Variants in MYO16 observed in about 807,000 individuals in gnomAD.
MYO16 encodes myosin XVI.
In MYO16, 94 loss-of-function variants were observed where a neutral mutation model predicts 205.3. The ratio of observed to expected loss-of-function variants is 0.46; its 90% CI spans 0.39 to 0.54. MYO16 has a LOEUF of 0.54. MYO16 is among the 20% of genes least tolerant of loss of function. MYO16 has a pLI of 0.00. For missense variants in MYO16, 2,315 were observed against 2,387.5 expected (o/e 0.97, Z 0.63); for synonymous variants, 988 against 954.0 (o/e 1.04, Z -0.66).
the MYO16 span, among the ~76,000 whole-genome samples, chr13:108,542,510 G>C: frequency 6.6e-6 from 1 of 152,070 alleles, no homozygotes. Context: ...AGTTACTGGG[G>C]TTTTTGGTTT....
In MYO16 at chr13:109,070,468, C is replaced by A. The variant is rs79741201; in HGVS notation, c.3335+14873C>A. On this transcript the variant is annotated intron_variant, in intron 27 of 34. Transcript: ENST00000457511. The stretch of plus-strand genomic sequence containing the variant: ...CTTAGGTGTAATGTTTATTGATATC[C>A]CATACAAGACATATCAATAGACCTA... Among the ~76,000 whole-genome samples the A allele has an allele frequency of 4.5e-3, 680 of 152,180 alleles. 3 individuals carry two copies. The highest frequency in any genetic ancestry group is 0.016 in the African/African-American group (656 of 41,510).
At chr13:108,562,953 C>A in the MYO16 span, among the ~76,000 whole-genome samples, 1 of 151,984 alleles carries the variant, frequency 6.6e-6, no homozygotes, top group African/African-American at 2.4e-5. Flanking sequence ...GTATATGAAC[C>A]AGTGTTGGTC....
chr13:108,501,872 A>C, the MYO16 span, among the ~76,000 whole-genome samples: 3 of 152,226 alleles, frequency 2.0e-5, no homozygotes, highest in Admixed American at 1.3e-4. Flanking sequence ...AGATCTGAAC[A>C]TGATGTTTAG....
intron 1 of MYO16, among the ~76,000 whole-genome samples, chr13:108,610,386 A>ATT (rs983159225): frequency 2.0e-5 from 3 of 152,000 alleles, no homozygotes; most frequent in African/African-American, 7.2e-5. Context: ...TGCACTAGAC[A>ATT]TTTTTTCTTG....
chr13:108,565,344 TC>T, the MYO16 span, among the ~76,000 whole-genome samples: 1 of 152,208 alleles, frequency 6.6e-6, no homozygotes, highest in African/African-American at 2.4e-5. Context: ...TTTGTCCTCT[TC>T]AGTTTTTTCA....
chr13:109,192,222 A>C (rs550405601), intron 34 of MYO16, among the ~76,000 whole-genome samples: 31 of 152,368 alleles, frequency 2.0e-4, no homozygotes, highest in African/African-American at 7.2e-4. Flanking sequence ...AGTGTCATGC[A>C]GTCAATGATA....
At chr13:108,523,107 T>A in the MYO16 span, among the ~76,000 whole-genome samples, 1 of 152,012 alleles carries the variant, frequency 6.6e-6, no homozygotes, top group Non-Finnish European at 1.5e-5. Context: ...GTGGATGAGG[T>A]CTCATGTGCA....
chr13:108,853,958 G>GTGTGTGTA (rs1320901304), intron 10 of MYO16, among the ~76,000 whole-genome samples: 10 of 109,902 alleles, frequency 9.1e-5, no homozygotes, highest in African/African-American at 4.2e-4. Context: ...CTATTATTGT[G>GTGTGTGTA]TGTGTGTGTG....
intron 34 of MYO16, among the ~76,000 whole-genome samples, chr13:109,191,866 A>G (rs1442585778): frequency 6.6e-6 from 1 of 152,222 alleles, no homozygotes; most frequent in Non-Finnish European, 1.5e-5. Flanking sequence ...ATCTGTTCAG[A>G]GTATAAGTAA....
At chr13:108,744,254 C>A (rs1473238497) in intron 4 of MYO16, among the ~76,000 whole-genome samples, 1 of 144,578 alleles carries the variant, frequency 6.9e-6, no homozygotes. Flanking sequence ...TATTTGCTGC[C>A]TTTTTTCCAT....
At chr13:109,148,380 A>G (rs2139825835) in intron 32 of MYO16, among the ~76,000 whole-genome samples, 1 of 152,326 alleles carries the variant, frequency 6.6e-6, no homozygotes, top group Middle Eastern at 3.4e-3. Flanking sequence ...TATAAACCAG[A>G]CTTGCACTAA....
At chr13:108,543,170 G>C in the MYO16 span, among the ~76,000 whole-genome samples, 2 of 152,190 alleles carry the variant, frequency 1.3e-5, no homozygotes, top group East Asian at 3.9e-4. Context: ...ATTTTTAAGT[G>C]AGTAAAATAA....
In MYO16 at chr13:108,929,584, A is replaced by G. The variant is rs1046702752; in HGVS notation, c.1925+19434A>G. Among the ~76,000 whole-genome samples the G allele has an allele frequency of 9.9e-5, 15 of 152,192 alleles. 1 individual carries two copies. Among genetic ancestry groups the G allele is most frequent in the Admixed American group, 4.6e-4 (7 of 15,284 alleles). On this transcript the variant is annotated intron_variant, in intron 16 of 34. Transcript: ENST00000457511. Reference sequence around the variant, plus strand: ...TAGTTGATCTTACTCCACGGAGCACACCTGGCAATATCTGGAGATTTTTTT... The same window carrying G: ...TAGTTGATCTTACTCCACGGAGCACGCCTGGCAATATCTGGAGATTTTTTT...
the MYO16 span, among the ~76,000 whole-genome samples, chr13:108,542,924 G>C: frequency 2.0e-5 from 3 of 151,442 alleles, no homozygotes; most frequent in Admixed American, 6.6e-5. Flanking sequence ...ATAATAATAT[G>C]ATTTTATTAT....
At position 108,774,443 on chromosome 13, in the gene MYO16, T is replaced by C. The variant is rs147773045; in HGVS notation, c.508-11192T>C. ...CAAGAAATTTGCTCAGGGCTCCCTA[T>C]AGGAACTATGCAGTCTTCAGCTGCA... On this transcript the variant is annotated intron_variant, in intron 4 of 34. Transcript: ENST00000457511. Among the ~76,000 whole-genome samples, 1,283 of 152,338 alleles carry C rather than the reference T, an allele frequency of 8.4e-3. 6 individuals carry two copies. The highest frequency in any genetic ancestry group is 0.02 in the Middle Eastern group (6 of 294).
chr13:108,831,270 T>C (rs1876607502), intron 9 of MYO16, among the ~76,000 whole-genome samples: 1 of 152,136 alleles, frequency 6.6e-6, no homozygotes, highest in African/African-American at 2.4e-5. Flanking sequence ...AGTTGCCAGG[T>C]AAAATGCAAG....
chr13:108,657,710 A>C (rs1881307609), intron 1 of MYO16, among the ~76,000 whole-genome samples: 1 of 151,932 alleles, frequency 6.6e-6, no homozygotes. Flanking sequence ...CCGGACTATC[A>C]CTCCTAATAG....
At position 108,883,201 on chromosome 13, in the gene MYO16, A is replaced by G. The variant is rs200282305; in HGVS notation, c.1553+15A>G. On this transcript the variant is annotated intron_variant, in intron 13 of 34. Transcript: ENST00000457511. ...TTCATCCTCAGGTGAGTCCTCCTCA[A>G]CCTTGTCTGCCAGGCTCAGGTTTGC... The G allele has an allele frequency of 4.3e-6, 7 of 1,609,238 alleles. No homozygotes were observed. Among genetic ancestry groups the G allele is most frequent in the Middle Eastern group, 1.7e-4 (1 of 6,044 alleles).
intron 13 of MYO16, among the ~76,000 whole-genome samples, chr13:108,887,945 A>G (rs196135): frequency 0.76 from 114,922 of 151,926 alleles, 43,689 homozygotes; most frequent in East Asian, 0.97. Flanking sequence ...TCAACACAGC[A>G]TGCTGTCTCG....
Sources: gnomAD v4.1 joint callset for allele counts (sites outside exome capture counted in the v4.1 genomes callset) on GRCh38, gnomAD v4.1.1 for gene constraint, MANE v1.5 for transcripts, NCBI Gene and HGNC (gene_info 2026-07-23, HGNC 2026-07-21) for gene names.